Variants in ELAVL2 observed in about 807,000 individuals in gnomAD.
ELAVL2 encodes the protein ELAV-like protein 2.
A neutral mutation model predicts 34.6 loss-of-function variants in ELAVL2; 4 were observed. The ratio of observed to expected loss-of-function variants is 0.12; its 90% CI spans 0.06 to 0.26. The LOEUF (loss-of-function observed/expected upper bound fraction) is 0.26. ELAVL2 is among the 10% of genes least tolerant of loss of function. ELAVL2 has a pLI of 1.00. For synonymous variants in ELAVL2, 193 were observed against 154.8 expected (o/e 1.25, Z -1.83); for missense variants, 432 against 442.8 (o/e 0.98, Z 0.22).
the ELAVL2 span, chr9:23,847,231 C>A: frequency 6.6e-6 from 1 of 151,998 alleles, no homozygotes. Flanking sequence ...ATTTTTAAAA[C>A]TCTAATGTCA....
chr9:23,801,236 T>C (rs1056502644), intron 1 of ELAVL2, among the ~76,000 whole-genome samples: 3 of 152,166 alleles, frequency 2.0e-5, no homozygotes, highest in Non-Finnish European at 4.4e-5. Flanking sequence ...TTACTGGAAA[T>C]AGGCTCAATA....
Position 23,825,900 on chromosome 9 carries a change from T to C in ELAVL2, c.-110A>G, listed in dbSNP as rs1419287534. The C allele has an allele frequency of 6.6e-6, 1 of 152,086 alleles. No homozygotes were observed. Among genetic ancestry groups the C allele is most frequent in the Non-Finnish European group, 1.5e-5 (1 of 68,026 alleles). The allele number at this position is 152,086 out of a possible 1,614,324, so 9.4% of individuals were successfully genotyped here. On this transcript the variant is annotated 5_prime_UTR_variant, in exon 1 of 7. Transcript: ENST00000397312. ...GCAAGAAGCTGCTGGATAGTTCTCT[T>C]AAGACAGCACGAAACCTAAACTGTG...
In ELAVL2 at chr9:23,774,681, A is replaced by G. The variant is rs552482025; in HGVS notation, c.-15-12432T>C. Among the ~76,000 whole-genome samples the G allele has an allele frequency of 5.5e-5, 7 of 126,730 alleles. No individual in the cohort carries two copies. In the Admixed American group the frequency reaches 6.2e-4, roughly 11 times the overall value. 83.1% of individuals were successfully genotyped at this position (126,730 alleles called of 152,430 possible). A position where few individuals can be genotyped will look rare whatever the true frequency, so the allele number is the denominator to read the frequency against. On this transcript the variant is annotated intron_variant, in intron 1 of 6. Coordinates refer to ENST00000397312, the MANE Select transcript of ELAVL2 (RefSeq NM_004432.5). The stretch of plus-strand genomic sequence containing the variant: ...CCTCCCCAACTCCCCATAAAAATAC[A>G]CATCTCCCATCCTCTTTGAGCCTGC...
chr9:23,825,587 G>A (rs1329901504), intron 1 of ELAVL2, among the ~76,000 whole-genome samples: 1 of 152,104 alleles, frequency 6.6e-6, no homozygotes, highest in Non-Finnish European at 1.5e-5. Flanking sequence ...TACCACTTAA[G>A]TTTCTGCCAT....
At position 23,707,810 on chromosome 9, in the gene ELAVL2, C is replaced by T. The variant is rs188306982; in HGVS notation, c.334-2739G>A. On this transcript the variant is annotated intron_variant, in intron 3 of 6. Transcript: ENST00000397312. ...ATGTGACATTATAAATATTATTTAC[C>T]TCTACATGCATCTGAAAATTTAGGT... 2.6e-5 allele frequency among the ~76,000 whole-genome samples: 4 copies of T among 152,232 alleles called. No individual in the cohort carries two copies. In the East Asian group the frequency reaches 7.7e-4, roughly 29 times the overall value.
chr9:23,771,131 C>G (rs1215802350), intron 1 of ELAVL2, among the ~76,000 whole-genome samples: 1 of 152,218 alleles, frequency 6.6e-6, no homozygotes, highest in Non-Finnish European at 1.5e-5. Context: ...CAAGAAGCAA[C>G]TGCAGCAATT....
intron 4 of ELAVL2, among the ~76,000 whole-genome samples, 187 bp from the exon 5 acceptor site, chr9:23,701,791 T>C (rs180802087): frequency 2.0e-5 from 3 of 152,310 alleles, no homozygotes; most frequent in Admixed American, 2.0e-4. Context: ...AGAATCACAA[T>C]TTTGCATTTT....
At chr9:23,718,929 T>C (rs899492605) in intron 3 of ELAVL2, among the ~76,000 whole-genome samples, 2 of 152,140 alleles carry the variant, frequency 1.3e-5, no homozygotes, top group African/African-American at 2.4e-5. Flanking sequence ...CCCTAACAGC[T>C]TTAACAAAAA....
At chr9:23,740,110 A>G (rs948529597) in intron 2 of ELAVL2, among the ~76,000 whole-genome samples, 2 of 151,920 alleles carry the variant, frequency 1.3e-5, no homozygotes, top group African/African-American at 4.8e-5. Context: ...CAAAAGTTAA[A>G]GGTTCACCAG....
intron 2 of ELAVL2, among the ~76,000 whole-genome samples, chr9:23,747,064 G>A (rs1048604795): frequency 2.6e-5 from 4 of 152,050 alleles, no homozygotes; most frequent in Admixed American, 2.0e-4. Context: ...GCCGAGTACA[G>A]TAGTCCTCCA....
upstream of ELAVL2, among the ~76,000 whole-genome samples, chr9:23,828,995 A>C (rs148849789): frequency 1.2e-4 from 19 of 152,352 alleles, no homozygotes; most frequent in East Asian, 3.5e-3. Context: ...CTCACTTAAG[A>C]ATAAGCAAAA....
intron 2 of ELAVL2, 139 bp downstream of exon 2, chr9:23,761,867 T>C: frequency 8.4e-7 from 1 of 1,187,910 alleles, no homozygotes; most frequent in Non-Finnish European, 1.1e-6. Context: ...AAGTTTCATA[T>C]TGCTGATGTA....
At chr9:23,807,367 A>G (rs1408810612) in intron 1 of ELAVL2, among the ~76,000 whole-genome samples, 3 of 152,124 alleles carry the variant, frequency 2.0e-5, no homozygotes, top group African/African-American at 7.2e-5. Flanking sequence ...CCAATTGCTT[A>G]GAGTAATTTC....
At chr9:23,765,179 G>C in intron 1 of ELAVL2, 5 of 1,291,100 alleles carry the variant, frequency 3.9e-6, no homozygotes, top group Non-Finnish European at 5.4e-6. Flanking sequence ...AATTTACAGT[G>C]ATTGTATTGA....
chr9:23,824,183 T>C (rs979465801), intron 1 of ELAVL2, among the ~76,000 whole-genome samples: 1 of 152,130 alleles, frequency 6.6e-6, no homozygotes, highest in Non-Finnish European at 1.5e-5. Flanking sequence ...TCGCCATCAG[T>C]TTTGCTAACC....
intron 2 of ELAVL2, among the ~76,000 whole-genome samples, chr9:23,750,408 C>G (rs2051646004): frequency 6.6e-6 from 1 of 151,942 alleles, no homozygotes; most frequent in South Asian, 2.1e-4. Context: ...GGCTTACCCC[C>G]ATAAAAAAAG....
At chr9:23,737,520 G>A (rs1033585222) in intron 2 of ELAVL2, among the ~76,000 whole-genome samples, 11 of 152,068 alleles carry the variant, frequency 7.2e-5, no homozygotes, top group East Asian at 5.8e-4. Context: ...TCCACAAATC[G>A]GTAAGTATGA....
intron 5 of ELAVL2, among the ~76,000 whole-genome samples, chr9:23,700,602 G>C (rs528625590): frequency 2.6e-5 from 4 of 152,146 alleles, no homozygotes; most frequent in African/African-American, 9.6e-5. Flanking sequence ...TATAAGCTAA[G>C]AATGGCTTTT....
chr9:23,778,422 G>C (rs938463010), intron 1 of ELAVL2, among the ~76,000 whole-genome samples: 4 of 152,146 alleles, frequency 2.6e-5, no homozygotes, highest in African/African-American at 9.7e-5. Flanking sequence ...TTTCACCAAT[G>C]TAACAATTTC....
Sources: allele counts gnomAD v4.1 joint callset (sites outside exome capture counted in the v4.1 genomes callset), GRCh38; gene constraint gnomAD v4.1.1; transcripts MANE v1.5; gene names NCBI Gene and HGNC (gene_info 2026-07-23, HGNC 2026-07-21).